SLC23A1: variants seen among roughly 807,000 people sequenced by gnomAD.
SLC23A1 encodes the protein solute carrier family 23 member 1, also known as Na(+)/L-ascorbic acid transporter 1.
In SLC23A1, 31 loss-of-function variants were observed where a neutral mutation model predicts 62.5. The observed-to-expected ratio is 0.50, with a 90% CI of 0.37 to 0.67. The LOEUF (loss-of-function observed/expected upper bound fraction) is 0.67, where lower values mean the gene tolerates loss of function less well. Among genes scored for constraint, SLC23A1 ranks in the 30% least tolerant of loss-of-function variants. The probability of loss-of-function intolerance (pLI) is 0.00; values close to 1 mark genes in which losing one functional copy is unlikely to be tolerated. For synonymous variants in SLC23A1, 271 were observed against 313.2 expected, an observed-to-expected ratio of 0.87 and a Z score of 1.42; for missense variants, 640 against 782.7, an observed-to-expected ratio of 0.82 and a Z score of 2.18.
At chr5:139,371,168 T>A (rs1352471148) in intron 14 of SLC23A1, among the ~76,000 whole-genome samples, 1 of 152,190 alleles carries the variant, frequency 6.6e-6, no homozygotes, top group African/African-American at 2.4e-5. Flanking sequence ...TTCTGTACCT[T>A]CCTTTCCACA....
intron 3 of SLC23A1, 126 bp downstream of exon 3, chr5:139,381,766 G>A (rs2152072581): frequency 4.1e-6 from 3 of 736,920 alleles, no homozygotes; most frequent in Non-Finnish European, 4.5e-6. Context: ...TGGGATAGGA[G>A]AAGCAGGTGG....
In SLC23A1 at chr5:139,378,504, A is replaced by T; in HGVS notation, c.1179+75T>A. On this transcript the variant is annotated intron_variant, in intron 10 of 14. Coordinates refer to ENST00000348729, the MANE Select transcript of SLC23A1 (RefSeq NM_005847.5). The surrounding 1 kb of genome is among the most constrained non-coding windows in gnomAD (Gnocchi z 4.5). ...CAAAGACAGGGTGGGGCTAAACCAA[A>T]GTGGGGACCGAGTTGGGGCGGGGCC... The T allele has an allele frequency of 6.9e-7, 1 of 1,445,952 alleles. No individual in the cohort carries two copies. The highest frequency in any genetic ancestry group is 2.5e-5 in the East Asian group (1 of 40,432). The allele number at this position is 1,445,952 out of a possible 1,614,324, so 89.6% of individuals were successfully genotyped here.
rs780896303 is a variant in SLC23A1, at chr5:139,379,577, G to A, written c.925+101C>T. The A allele has an allele frequency of 2.1e-5, 26 of 1,210,792 alleles. No homozygotes were observed. Among genetic ancestry groups the A allele is most frequent in the South Asian group, 3.9e-5 (3 of 77,872 alleles). 75.0% of individuals were successfully genotyped at this position (1,210,792 alleles called of 1,614,324 possible). ...TCTGCTGGGCGCACTATAAATGTGCGGCTAATGCTAGGTGTGTCACCTGCT... is the reference window on the plus strand; with the variant it reads ...TCTGCTGGGCGCACTATAAATGTGCAGCTAATGCTAGGTGTGTCACCTGCT... On this transcript the variant is annotated intron_variant, in intron 8 of 14. Transcript: ENST00000348729. The surrounding 1 kb of genome is among the most constrained non-coding windows in gnomAD (Gnocchi z 4.7).
Position 139,380,133 on chromosome 5 carries a change from C to T in SLC23A1, c.648-57G>A, listed in dbSNP as rs892508427. On this transcript the variant is annotated intron_variant, in intron 6 of 14. Coordinates refer to ENST00000348729, the MANE Select transcript of SLC23A1 (RefSeq NM_005847.5). The stretch of plus-strand genomic sequence containing the variant: ...GGGAGGCCAGGCTGGGGCCAGGAGC[C>T]GGGAAGAAGGACCAAGGACATGAAG... 2.5e-5 allele frequency: 40 copies of T among 1,571,500 alleles called. 1 individual carries two copies. The highest frequency in any genetic ancestry group is 9.5e-5 in the African/African-American group (7 of 73,838).
upstream of SLC23A1, among the ~76,000 whole-genome samples, chr5:139,385,569 GTTCTCTT>G (rs545162208): frequency 4.7e-4 from 71 of 152,270 alleles, no homozygotes; most frequent in African/African-American, 1.7e-3. Context: ...GTTTTCCTTG[GTTCTCTT>G]TTCTCATGAA....
chr5:139,381,391 C>G (rs952207839), intron 3 of SLC23A1, among the ~76,000 whole-genome samples: 4 of 151,546 alleles, frequency 2.6e-5, no homozygotes, highest in Admixed American at 2.0e-4. Flanking sequence ...TGGTGGCTCA[C>G]GCCTGTAATC....
Position 139,378,888 on chromosome 5 carries a change from A to G in SLC23A1, c.1074-204T>C, listed in dbSNP as rs1339303197. On this transcript the variant is annotated intron_variant, in intron 9 of 14. Transcript: ENST00000348729. This position sits in a 1 kb window ranked among gnomAD's most constrained non-coding sequence, Gnocchi z 4.5. Reference sequence around the variant, plus strand: ...ACTCCTGTGGGTAATTCTGGCCTTCAATTTCCTCCTGGGATAAATACCGGT... The same window carrying G: ...ACTCCTGTGGGTAATTCTGGCCTTCGATTTCCTCCTGGGATAAATACCGGT... Among the ~76,000 whole-genome samples, 3 of 152,128 alleles carry G rather than the reference A, an allele frequency of 2.0e-5. No individual in the cohort carries two copies. The highest frequency in any genetic ancestry group is 2.9e-5 in the Non-Finnish European group (2 of 68,014).
At chr5:139,380,124 G>T (rs765137329) in intron 6 of SLC23A1, 48 bp from the exon 7 acceptor site, 68 of 1,578,600 alleles carry the variant, frequency 4.3e-5, no homozygotes, top group Non-Finnish European at 5.7e-5. Context: ...CCAGGCTGGG[G>T]CCAGGAGCCG....
chr5:139,379,604 G>C lies in SLC23A1; in HGVS notation c.925+74C>G. On this transcript the variant is annotated intron_variant, in intron 8 of 14. Coordinates refer to ENST00000348729, the MANE Select transcript of SLC23A1 (RefSeq NM_005847.5). The surrounding 1 kb of genome is among the most constrained non-coding windows in gnomAD (Gnocchi z 4.7). Reference sequence around the variant, plus strand: ...CTAATGCTAGGTGTGTCACCTGCTGGATTGGGGTCACCAGGAGTCTGTCTC... The same window carrying C: ...CTAATGCTAGGTGTGTCACCTGCTGCATTGGGGTCACCAGGAGTCTGTCTC... 7.1e-7 allele frequency: 1 copy of C among 1,405,440 alleles called. No homozygotes were observed. The highest frequency in any genetic ancestry group is 9.9e-7 in the Non-Finnish European group (1 of 1,009,906). The allele number at this position is 1,405,440 out of a possible 1,614,324, so 87.1% of individuals were successfully genotyped here.
In SLC23A1 at chr5:139,378,112, A is replaced by G. The variant is rs746915461; in HGVS notation, c.1316T>C (p.Ile439Thr). Residue 439 changes from isoleucine (I) to threonine (T), a missense_variant, in exon 12 of 15, where the codon ATT becomes ACT. Physicochemically the swap from Ile to Thr is moderately conservative, Grantham distance 89. Transcript: ENST00000348729. This position sits in a 1 kb window ranked among gnomAD's most constrained non-coding sequence, Gnocchi z 4.5. The part of the protein sequence containing the change: ...GGMFCTLFGM[I>T]TAVGLSNLQF... Reference sequence around the variant, plus strand: ...CAGGTTGGACAGCCCCACAGCTGTAATCATGCCTAAGGGCGCAAGAGAACG... The same window carrying G: ...CAGGTTGGACAGCCCCACAGCTGTAGTCATGCCTAAGGGCGCAAGAGAACG... 3 of 1,614,216 alleles carry G rather than the reference A, an allele frequency of 1.9e-6. No homozygotes were observed. The South Asian group carries it at 3.3e-5, about 18-fold the overall frequency.
upstream of SLC23A1, chr5:139,384,384 G>A (rs1216139214): frequency 2.3e-6 from 3 of 1,289,132 alleles, no homozygotes; most frequent in East Asian, 5.5e-5. Flanking sequence ...CCATGGCCAG[G>A]CCCTGCCTGA....
In SLC23A1 at chr5:139,382,605, G is replaced by T. The variant is rs200503816; in HGVS notation, c.37C>A (p.His13Asn). 1.3e-6 allele frequency: 2 copies of T among 1,585,768 alleles called. No individual in the cohort carries two copies. The highest frequency in any genetic ancestry group is 1.7e-6 in the Non-Finnish European group (2 of 1,154,932). Residue 13 changes from histidine (H) to asparagine (N), a missense_variant and splice_region_variant, in exon 2 of 15, where the codon CAT (histidine) becomes AAT (asparagine). His to Asn is a moderately conservative substitution (Grantham distance 68). Transcript: ENST00000348729. Reference sequence around the variant, plus strand: ...GTCGAGGGGTCCCTGGTGGTTTCATGCTGGAGGCAGCAGAGATAAGTAGCT... The same window carrying T: ...GTCGAGGGGTCCCTGGTGGTTTCATTCTGGAGGCAGCAGAGATAAGTAGCT... ...AQEDLEGRTQ[H>N]ETTRDPSTPL...
chr5:139,382,755 C>T, intron 1 of SLC23A1, 150 bp from the exon 2 acceptor site: 3 of 611,296 alleles, frequency 4.9e-6, no homozygotes. Context: ...CACCCGGGTG[C>T]CACTTGGCCT....
Position 139,378,438 on chromosome 5 carries a change from G to C in SLC23A1, c.1180-87C>G. The C allele has an allele frequency of 6.7e-7, 1 of 1,491,298 alleles. No homozygotes were observed. The allele number at this position is 1,491,298 out of a possible 1,614,324, so 92.4% of individuals were successfully genotyped here. On this transcript the variant is annotated intron_variant, in intron 10 of 14. Coordinates refer to ENST00000348729, the MANE Select transcript of SLC23A1 (RefSeq NM_005847.5). This position sits in a 1 kb window ranked among gnomAD's most constrained non-coding sequence, Gnocchi z 4.5. ...GGGGCGGGGCCTGTTATAAGAGCGA[G>C]GCATAAACCGGCTGGGGCTTGATGC...
intron 14 of SLC23A1, among the ~76,000 whole-genome samples, chr5:139,368,203 C>T (rs968736653): frequency 7.9e-5 from 12 of 151,886 alleles, no homozygotes; most frequent in African/African-American, 2.4e-4. Context: ...CTGGGCGTGG[C>T]GGTGGGCGCC....
Position 139,367,510 on chromosome 5 carries a change from T to TC in SLC23A1, c.*140dup, listed in dbSNP as rs1757332824. On this transcript the variant is annotated 3_prime_UTR_variant, in exon 15 of 15. Transcript: ENST00000348729. ...TTTTTAACTGATGCAAAAATTTGAA[T>TC]CCCAGAGAAAGGTGACTTATCTGAG... 6.6e-6 allele frequency: 1 copy of TC among 151,776 alleles called. No individual in the cohort carries two copies. Among genetic ancestry groups the TC allele is most frequent in the Admixed American group, 6.6e-5 (1 of 15,206 alleles). 9.4% of individuals were successfully genotyped at this position (151,776 alleles called of 1,614,324 possible).
intron 2 of SLC23A1, 107 bp downstream of exon 2, chr5:139,382,385 C>T (rs902650059): frequency 3.0e-6 from 2 of 656,686 alleles, no homozygotes; most frequent in African/African-American, 1.8e-5. Context: ...CTGTGCTGAC[C>T]TCAGGTTTTT....
chr5:139,384,771 C>T (rs1758445126), upstream of SLC23A1: 1 of 984,596 alleles, frequency 1.0e-6, no homozygotes, highest in South Asian at 4.7e-5. Context: ...GATGCAGCCT[C>T]TCTAATCACC....
chr5:139,378,802 C>T lies in SLC23A1; in HGVS notation c.1074-118G>A, dbSNP rs1758083794. 2 of 754,154 alleles carry T rather than the reference C, an allele frequency of 2.7e-6. No homozygotes were observed. The highest frequency in any genetic ancestry group is 4.6e-6 in the Non-Finnish European group (2 of 436,600). The allele number at this position is 754,154 out of a possible 1,614,324, so 46.7% of individuals were successfully genotyped here. ...TGGGGGCTGCAGCTATCAGCTGTAG[C>T]ACTCCCTACTACAGGCCAGAATGCT... is the stretch of plus-strand genomic sequence containing the variant. On this transcript the variant is annotated intron_variant, in intron 9 of 14. Transcript: ENST00000348729. This position sits in a 1 kb window ranked among gnomAD's most constrained non-coding sequence, Gnocchi z 4.5.
Sources: allele counts gnomAD v4.1 joint callset (sites outside exome capture counted in the v4.1 genomes callset), GRCh38; gene constraint gnomAD v4.1.1; non-coding constraint Gnocchi (gnomAD v3.1); transcripts MANE v1.5; gene names NCBI Gene and HGNC (gene_info 2026-07-23, HGNC 2026-07-21).